Variants in ARFGEF3 observed in about 807,000 individuals in gnomAD.
ARFGEF3 encodes brefeldin A-inhibited guanine nucleotide-exchange protein 3.
A neutral mutation model predicts 221.7 loss-of-function variants in ARFGEF3; 96 were observed. That is an observed-to-expected ratio of 0.43 (90% CI 0.37 to 0.51). The LOEUF (loss-of-function observed/expected upper bound fraction) is 0.51, where lower values mean the gene tolerates loss of function less well. Among genes scored for constraint, ARFGEF3 ranks in the 20% least tolerant of loss-of-function variants. The pLI is 0.00. For synonymous variants in ARFGEF3, 1,145 were observed against 1,126.8 expected, an observed-to-expected ratio of 1.02 and a Z score of -0.32; for missense variants, 2,410 against 2,789.9, an observed-to-expected ratio of 0.86 and a Z score of 3.07.
At chr6:138,322,110 C>G (rs1189651551) in intron 29 of ARFGEF3, among the ~76,000 whole-genome samples, 1 of 152,150 alleles carries the variant, frequency 6.6e-6, no homozygotes, top group East Asian at 1.9e-4. Context: ...GCAGATGGCC[C>G]TCCCTAATGT....
chr6:138,341,709 G>C lies in ARFGEF3; in HGVS notation c.*5223G>C, dbSNP rs1453833060. ...TTTGTTTGGAAGATCCTCTTTCCCTGGCTGTATTGTAGTGTTTGCTATTTG... is the reference window on the plus strand; with the variant it reads ...TTTGTTTGGAAGATCCTCTTTCCCTCGCTGTATTGTAGTGTTTGCTATTTG... On this transcript the variant is annotated 3_prime_UTR_variant, in exon 34 of 34. Coordinates refer to ENST00000251691, the MANE Select transcript of ARFGEF3 (RefSeq NM_020340.5). 1 of 152,058 alleles carries C rather than the reference G, an allele frequency of 6.6e-6. No individual in the cohort carries two copies. Among genetic ancestry groups the C allele is most frequent in the Non-Finnish European group, 1.5e-5 (1 of 68,010 alleles). 9.4% of individuals were successfully genotyped at this position (152,058 alleles called of 1,614,324 possible). A position where few individuals can be genotyped will look rare whatever the true frequency, so the allele number is the denominator to read the frequency against.
At position 138,263,583 on chromosome 6, in the gene ARFGEF3, G is replaced by A; in HGVS notation, c.2100G>A (p.Leu700=). The change falls in exon 12 of 34, where the codon CTG becomes CTA. Residue 700 remains leucine (L), a synonymous_variant. Coordinates refer to ENST00000251691, the MANE Select transcript of ARFGEF3 (RefSeq NM_020340.5). The part of the protein sequence containing the change: ...LSNVEEVDTA[L]QNFASTFCSG... The stretch of plus-strand genomic sequence containing the variant: ...ATGTAGAGGAGGTGGACACCGCTCT[G>A]CAGAACTTTGCCTCTACTTTCTGCT... The A allele has an allele frequency of 1.2e-6, 2 of 1,605,298 alleles. No individual in the cohort carries two copies. Among genetic ancestry groups the A allele is most frequent in the Non-Finnish European group, 8.5e-7 (1 of 1,175,690 alleles).
Position 138,298,794 on chromosome 6 carries a change from G to GACATGGTCATCAGCGTC in ARFGEF3, c.3828+11_3828+27dup. 6.2e-7 allele frequency: 1 copy of GACATGGTCATCAGCGTC among 1,608,146 alleles called. No individual in the cohort carries two copies. The highest frequency in any genetic ancestry group is 8.5e-7 in the Non-Finnish European group (1 of 1,176,978). On this transcript the variant is annotated intron_variant, in intron 22 of 33. Coordinates refer to ENST00000251691, the MANE Select transcript of ARFGEF3 (RefSeq NM_020340.5). ...AGGACGTCCAAGACCAGGTCAGTGT[G>GACATGGTCATCAGCGTC]ACATGGTCATCAGCGTCATAGCTGG...
chr6:138,190,808 T>A (rs1050115652), intron 2 of ARFGEF3, among the ~76,000 whole-genome samples: 1 of 152,342 alleles, frequency 6.6e-6, no homozygotes, highest in South Asian at 2.1e-4. Flanking sequence ...ACCTTTTCAA[T>A]ACTTTGGCTA....
chr6:138,178,254 C>G (rs886544509), intron 2 of ARFGEF3, among the ~76,000 whole-genome samples: 1 of 152,116 alleles, frequency 6.6e-6, no homozygotes, highest in Non-Finnish European at 1.5e-5. Flanking sequence ...TGTCATGGCT[C>G]CTCTTCCTTC....
chr6:138,251,305 G>A (rs138711453), intron 8 of ARFGEF3, among the ~76,000 whole-genome samples: 2,093 of 152,288 alleles, frequency 0.014, 33 homozygotes, highest in Middle Eastern at 0.054. Context: ...TAGACTGACA[G>A]TTTGAAAGAA....
At chr6:138,193,738 T>C (rs2114472383) in intron 2 of ARFGEF3, among the ~76,000 whole-genome samples, 1 of 152,332 alleles carries the variant, frequency 6.6e-6, no homozygotes, top group South Asian at 2.1e-4. Context: ...TTTGCAGTCA[T>C]GGTACTTAAT....
intron 23 of ARFGEF3, 34 bp from the exon 24 acceptor site, chr6:138,308,704 TA>T: frequency 6.2e-7 from 1 of 1,612,770 alleles, no homozygotes; most frequent in Non-Finnish European, 8.5e-7. Context: ...GGCAGAAACT[TA>T]CTTTCTTACA....
At chr6:138,262,638 C>G in intron 11 of ARFGEF3, 63 bp from the exon 12 acceptor site, 1 of 1,490,532 alleles carries the variant, frequency 6.7e-7, no homozygotes, top group Non-Finnish European at 9.1e-7. Context: ...ACTCTTGTTC[C>G]TTTCAGAGAT....
intron 3 of ARFGEF3, among the ~76,000 whole-genome samples, chr6:138,207,691 G>A (rs1777649038): frequency 6.6e-6 from 1 of 152,274 alleles, no homozygotes; most frequent in Middle Eastern, 3.4e-3. Context: ...TAATTCTGAT[G>A]GTAAAAAGGT....
intron 31 of ARFGEF3, among the ~76,000 whole-genome samples, chr6:138,326,765 T>C (rs1237085329): frequency 6.6e-6 from 1 of 152,192 alleles, no homozygotes; most frequent in Non-Finnish European, 1.5e-5. Context: ...ACTGGGCATA[T>C]ACCCAAAGGA....
Position 138,308,723 on chromosome 6 carries a change from A to G in ARFGEF3, c.3974-16A>G. ...GAAACTTACTTTCTTACAATTCTAT[A>G]ATCTTCCTCCCTTAGGAAAAGGCCA... On this transcript the variant is annotated splice_polypyrimidine_tract_variant and intron_variant, in intron 23 of 33. Transcript: ENST00000251691. The G allele has an allele frequency of 6.2e-7, 1 of 1,613,638 alleles. No homozygotes were observed. The highest frequency in any genetic ancestry group is 1.1e-5 in the South Asian group (1 of 91,000).
In ARFGEF3 at chr6:138,324,103, C is replaced by T; in HGVS notation, c.4950C>T (p.Ser1650=). The change falls in exon 31 of 34, where the codon TCC becomes TCT. Residue 1650 remains serine, a synonymous_variant. Coordinates refer to ENST00000251691, the MANE Select transcript of ARFGEF3 (RefSeq NM_020340.5). ...AGGTGCGAGTGGCGGCCCCGTCCTC[C>T]TCCCCAAGTGCCGAGGCCGAGTACT... The part of the protein sequence containing the change: ...GCQVRVAAPS[S]SPSAEAEYWR... 6.2e-7 allele frequency: 1 copy of T among 1,613,878 alleles called. No individual in the cohort carries two copies. Among genetic ancestry groups the T allele is most frequent in the Non-Finnish European group, 8.5e-7 (1 of 1,179,898 alleles).
At chr6:138,204,219 A>G (rs1777588324) in intron 2 of ARFGEF3, among the ~76,000 whole-genome samples, 1 of 151,004 alleles carries the variant, frequency 6.6e-6, no homozygotes. Context: ...GGCACCTGTA[A>G]CCCAGCTACT....
intron 10 of ARFGEF3, among the ~76,000 whole-genome samples, chr6:138,261,204 A>G (rs1236501311): frequency 1.3e-5 from 2 of 152,232 alleles, no homozygotes; most frequent in Non-Finnish European, 2.9e-5. Flanking sequence ...GGAAGGTTAT[A>G]TTATAGGCCA....
At chr6:138,224,091 G>C (rs1350748123) in intron 4 of ARFGEF3, among the ~76,000 whole-genome samples, 1 of 152,152 alleles carries the variant, frequency 6.6e-6, no homozygotes, top group East Asian at 1.9e-4. Flanking sequence ...CATCACTTTA[G>C]GAATCACTTC....
At chr6:138,335,600 C>T (rs1780309226) in intron 33 of ARFGEF3, among the ~76,000 whole-genome samples, 1 of 151,100 alleles carries the variant, frequency 6.6e-6, no homozygotes, top group South Asian at 2.1e-4. Flanking sequence ...ATCCCAGCTA[C>T]TTGGGAGGCT....
chr6:138,175,224 A>G (rs926370315), intron 2 of ARFGEF3, among the ~76,000 whole-genome samples: 2 of 152,186 alleles, frequency 1.3e-5, no homozygotes, highest in Admixed American at 6.5e-5. Context: ...TCCAGGGAAT[A>G]TGTACTATGG....
At chr6:138,220,549 G>A (rs1583019014) in intron 4 of ARFGEF3, among the ~76,000 whole-genome samples, 1 of 152,112 alleles carries the variant, frequency 6.6e-6, no homozygotes, top group Non-Finnish European at 1.5e-5. Context: ...ACTTCTATGA[G>A]AAAATGCATC....
Sources: allele counts gnomAD v4.1 joint callset (sites outside exome capture counted in the v4.1 genomes callset), GRCh38; gene constraint gnomAD v4.1.1; transcripts MANE v1.5; gene names NCBI Gene and HGNC (gene_info 2026-07-23, HGNC 2026-07-21).